Variants in FIG4 observed in about 807,000 individuals in gnomAD.
The protein encoded by FIG4 is FIG4 phosphoinositide 5-phosphatase, also known as polyphosphoinositide phosphatase.
In FIG4, 112 loss-of-function variants were observed where a neutral mutation model predicts 118.6. The observed-to-expected ratio is 0.94, with a 90% confidence interval of 0.81 to 1.11. The LOEUF (loss-of-function observed/expected upper bound fraction) is 1.11. FIG4 is among the 50% of genes least tolerant of loss of function. The pLI is 0.00. For missense variants in FIG4, 969 were observed against 1,111.7 expected, an observed-to-expected ratio of 0.87 and a Z score of 1.83; for synonymous variants, 369 against 381.2, an observed-to-expected ratio of 0.97 and a Z score of 0.37.
chr6:109,718,074 C>T (rs760818662), intron 3 of FIG4, among the ~76,000 whole-genome samples: 2 of 152,076 alleles, frequency 1.3e-5, no homozygotes, highest in African/African-American at 4.8e-5. Context: ...TAGGAGGCCC[C>T]AGGAAACTTA....
intron 22 of FIG4, among the ~76,000 whole-genome samples, chr6:109,804,114 CTTACCTT>C (rs1024937297): frequency 1.3e-5 from 2 of 152,134 alleles, no homozygotes; most frequent in African/African-American, 4.8e-5. Flanking sequence ...ATAAGACACT[CTTACCTT>C]TTACATGAGC....
chr6:109,710,464 C>T (rs1239682759), intron 1 of FIG4, among the ~76,000 whole-genome samples: 1 of 152,156 alleles, frequency 6.6e-6, no homozygotes, highest in Non-Finnish European at 1.5e-5. Context: ...TGATGCTGGC[C>T]TCATAGAATG....
At chr6:109,756,813 T>C (rs1202067643) in intron 10 of FIG4, among the ~76,000 whole-genome samples, 1 of 152,200 alleles carries the variant, frequency 6.6e-6, no homozygotes, top group African/African-American at 2.4e-5. Flanking sequence ...TTCTCTGTAT[T>C]GGTTATTCTA....
intron 6 of FIG4, among the ~76,000 whole-genome samples, chr6:109,737,557 T>G (rs1294153974): frequency 6.6e-6 from 1 of 152,108 alleles, no homozygotes; most frequent in Non-Finnish European, 1.5e-5. Context: ...TAACAGATCA[T>G]GTTTTGAGAA....
At chr6:109,781,494 A>G (rs1340208998) in intron 16 of FIG4, among the ~76,000 whole-genome samples, 2 of 151,918 alleles carry the variant, frequency 1.3e-5, no homozygotes, top group Non-Finnish European at 2.9e-5. Flanking sequence ...GATTTGTGCT[A>G]GCTGTTCTGA....
rs562631580 is a variant in FIG4 at position 109,746,468 on chromosome 6, G to A, written c.1137+2696G>A. Among the ~76,000 whole-genome samples the A allele has an allele frequency of 7.2e-5, 11 of 152,242 alleles. No homozygotes were observed. In the South Asian group the frequency reaches 2.3e-3, roughly 32 times the overall value. On this transcript the variant is annotated intron_variant, in intron 10 of 22. Coordinates refer to ENST00000230124, the MANE Select transcript of FIG4 (RefSeq NM_014845.6). Reference sequence around the variant, plus strand: ...TTAACCAGGTCACTGGGAAAGAATGGTATTCAACTCAGAGCGCAGCATGTA... The same window carrying A: ...TTAACCAGGTCACTGGGAAAGAATGATATTCAACTCAGAGCGCAGCATGTA...
At chr6:109,756,394 T>G (rs1776902544) in intron 10 of FIG4, among the ~76,000 whole-genome samples, 1 of 151,970 alleles carries the variant, frequency 6.6e-6, no homozygotes, top group Non-Finnish European at 1.5e-5. Context: ...TCAACTTTGG[T>G]GAATCTGACA....
intron 1 of FIG4, chr6:109,701,681 C>T (rs1377497952): frequency 1.3e-5 from 6 of 471,328 alleles, no homozygotes; most frequent in South Asian, 3.1e-5. Flanking sequence ...AAGCTCCCTC[C>T]CACCCCCATC....
intron 4 of FIG4, among the ~76,000 whole-genome samples, chr6:109,728,049 A>G (rs961379622): frequency 3.9e-5 from 6 of 152,350 alleles, no homozygotes; most frequent in African/African-American, 9.6e-5. Context: ...TATGTGGACT[A>G]CATACTAGTG....
rs1195033248 is a variant in FIG4 at position 109,715,173 on chromosome 6, CAGGGTAAGTAT to C, written c.163_165+8del. 6.4e-7 allele frequency: 1 copy of C among 1,562,398 alleles called. No homozygotes were observed. The highest frequency in any genetic ancestry group is 1.4e-5 in the African/African-American group (1 of 73,918). On this transcript the variant is annotated splice_donor_variant and splice_donor_5th_base_variant and coding_sequence_variant and intron_variant, in exon 2 of 23. Transcript: ENST00000230124. LOFTEE classifies it high-confidence loss of function. Reference sequence around the variant, plus strand: ...CAAAAGATTTGGTCATAATTGATGACAGGGTAAGTATCCTCCAAACCTGACTGCAAAAAAAC... The same window carrying C: ...CAAAAGATTTGGTCATAATTGATGACCCTCCAAACCTGACTGCAAAAAAAC...
rs538550893 is a variant in FIG4 at position 109,760,133 on chromosome 6, T to C, written c.1138-117T>C. The C allele has an allele frequency of 4.1e-5, 31 of 761,730 alleles. No homozygotes were observed. In the East Asian group the frequency reaches 7.9e-4, roughly 19 times the overall value. 47.2% of individuals were successfully genotyped at this position (761,730 alleles called of 1,614,324 possible). A position where few individuals can be genotyped will look rare whatever the true frequency, so the allele number is the denominator to read the frequency against. ...TGATTATTGTAGCTAGGTTTCATTT[T>C]AGTATATTTAAGACTTGGATTTTTT... On this transcript the variant is annotated intron_variant, in intron 10 of 22. Transcript: ENST00000230124.
In FIG4 at chr6:109,796,754, G is replaced by A; in HGVS notation, c.2460-11G>A. 1 of 1,558,526 alleles carries A rather than the reference G, an allele frequency of 6.4e-7. No homozygotes were observed. The highest frequency in any genetic ancestry group is 1.4e-5 in the African/African-American group (1 of 73,926). On this transcript the variant is annotated splice_polypyrimidine_tract_variant and intron_variant, in intron 21 of 22. Coordinates refer to ENST00000230124, the MANE Select transcript of FIG4 (RefSeq NM_014845.6). ...CTTCTTTAGCTGACTCTTATCCATT[G>A]TAATTTGTAGATTTGTTCAGCTGGG...
chr6:109,780,572 G>A (rs1187246892), intron 16 of FIG4, among the ~76,000 whole-genome samples: 3 of 152,038 alleles, frequency 2.0e-5, no homozygotes, highest in Non-Finnish European at 2.9e-5. Flanking sequence ...AAGATCATAC[G>A]GGATGCCCAT....
intron 1 of FIG4, among the ~76,000 whole-genome samples, chr6:109,709,431 T>A: frequency 6.6e-6 from 1 of 152,174 alleles, no homozygotes; most frequent in African/African-American, 2.4e-5. Context: ...CTGAGGATTG[T>A]GTTGGCTATT....
At chr6:109,822,403 G>A (rs1779029472) in intron 22 of FIG4, among the ~76,000 whole-genome samples, 1 of 152,106 alleles carries the variant, frequency 6.6e-6, no homozygotes, top group African/African-American at 2.4e-5. Context: ...AAACACAGTA[G>A]TTTTTCTATG....
chr6:109,748,755 C>T (rs1034351464), intron 10 of FIG4, among the ~76,000 whole-genome samples: 10 of 152,028 alleles, frequency 6.6e-5, no homozygotes, highest in East Asian at 5.8e-4. Flanking sequence ...TGTTACATGG[C>T]GGCAGACAAG....
rs986790625 is a variant in FIG4, at chr6:109,724,219, G to A, written c.290-2890G>A. 5.3e-4 allele frequency among the ~76,000 whole-genome samples: 80 copies of A among 152,010 alleles called. 3 individuals carry two copies. Among genetic ancestry groups the A allele is most frequent in the Non-Finnish European group, 1.0e-4 (7 of 68,006 alleles). On this transcript the variant is annotated intron_variant, in intron 3 of 22. Transcript: ENST00000230124. ...TAGCACAGTCCTATAAGGTTCTCAGGATTTTTGTTTTAAGTTTCTTAGTCC... is the reference window on the plus strand; with the variant it reads ...TAGCACAGTCCTATAAGGTTCTCAGAATTTTTGTTTTAAGTTTCTTAGTCC...
At chr6:109,798,742 A>G (rs561063539) in intron 22 of FIG4, among the ~76,000 whole-genome samples, 7 of 152,282 alleles carry the variant, frequency 4.6e-5, no homozygotes, top group African/African-American at 1.7e-4. Context: ...ACCCCAGACC[A>G]TATTTTATCA....
At chr6:109,761,132 TACAC>T (rs1340663228) in intron 11 of FIG4, among the ~76,000 whole-genome samples, 9 of 152,336 alleles carry the variant, frequency 5.9e-5, no homozygotes, top group East Asian at 3.9e-4. Context: ...TACAGTTAGA[TACAC>T]ACACACTTTC....
Sources: gnomAD v4.1 joint callset for allele counts (sites outside exome capture counted in the v4.1 genomes callset) on GRCh38, gnomAD v4.1.1 for gene constraint, MANE v1.5 for transcripts, NCBI Gene and HGNC (gene_info 2026-07-23, HGNC 2026-07-21) for gene names.